The following FLRT1 variants were observed in gnomAD, a reference collection of about 807,000 sequenced individuals.
FLRT1 encodes fibronectin leucine rich transmembrane protein 1, also known as leucine-rich repeat transmembrane protein FLRT1.
FLRT1 carries 14 observed loss-of-function variants against 30.9 expected under a neutral mutation model. That is an observed-to-expected ratio of 0.45 (90% CI 0.30 to 0.71). The LOEUF (loss-of-function observed/expected upper bound fraction) is 0.71. Among genes scored for constraint, FLRT1 ranks in the 30% least tolerant of loss-of-function variants. The pLI is 0.08. For missense variants in FLRT1, 737 were observed against 949.2 expected (o/e 0.78, Z 2.94); for synonymous variants, 368 against 430.4 (o/e 0.85, Z 1.80).
At chr11:64,102,047 T>C (rs1027330692) in intron 1 of FLRT1, among the ~76,000 whole-genome samples, 47 of 152,210 alleles carry the variant, frequency 3.1e-4, no homozygotes, top group African/African-American at 1.1e-3. Context: ...TGTTTTTATT[T>C]GTAACGGCCT....
intron 1 of FLRT1, among the ~76,000 whole-genome samples, chr11:64,065,092 C>T (rs766396177): frequency 6.6e-5 from 10 of 152,200 alleles, no homozygotes; most frequent in South Asian, 2.1e-4. Context: ...CCAGACTCGG[C>T]GGCCTCGGAG....
At chr11:64,039,196 G>A (rs956757422) in intron 1 of FLRT1, among the ~76,000 whole-genome samples, 7 of 152,160 alleles carry the variant, frequency 4.6e-5, no homozygotes, top group Non-Finnish European at 8.8e-5. Flanking sequence ...TATAGGATGG[G>A]GTGCGTGAGG....
At chr11:64,077,553 G>A (rs1424101432) in intron 1 of FLRT1, among the ~76,000 whole-genome samples, 3 of 152,158 alleles carry the variant, frequency 2.0e-5, no homozygotes, top group Non-Finnish European at 4.4e-5. Context: ...GCGGGGCAGG[G>A]GGGGTCCCTC....
At chr11:64,061,991 T>A (rs1171491634) in intron 1 of FLRT1, among the ~76,000 whole-genome samples, 1 of 113,618 alleles carries the variant, frequency 8.8e-6, no homozygotes, top group Admixed American at 1.2e-4. Flanking sequence ...CCCCTTCTAC[T>A]TGCTTCTGTT....
intron 1 of FLRT1, among the ~76,000 whole-genome samples, chr11:64,102,826 T>C (rs1209824323): frequency 1.3e-5 from 2 of 151,918 alleles, no homozygotes; most frequent in East Asian, 1.9e-4. Context: ...TCCCATCACT[T>C]TGGGAGGCCG....
chr11:64,087,846 G>A (rs1293703821), intron 1 of FLRT1, among the ~76,000 whole-genome samples: 3 of 152,244 alleles, frequency 2.0e-5, no homozygotes, highest in Non-Finnish European at 2.9e-5. Flanking sequence ...CTCTCCTGGG[G>A]GCTGTTTCAG....
intron 1 of FLRT1, among the ~76,000 whole-genome samples, chr11:64,048,473 G>T (rs898936697): frequency 9.2e-5 from 14 of 152,170 alleles, no homozygotes; most frequent in Non-Finnish European, 8.8e-5. Flanking sequence ...GGTTGCCAGG[G>T]ACCCAGGAGC....
At chr11:64,054,885 C>T (rs1372553516) in intron 1 of FLRT1, among the ~76,000 whole-genome samples, 2 of 152,048 alleles carry the variant, frequency 1.3e-5, no homozygotes, top group Admixed American at 6.6e-5. Flanking sequence ...GTGACAAATA[C>T]CCCCACTACT....
At chr11:64,114,319 A>T (rs1311169643) in intron 2 of FLRT1, among the ~76,000 whole-genome samples, 1 of 137,896 alleles carries the variant, frequency 7.3e-6, no homozygotes, top group Non-Finnish European at 1.5e-5. Flanking sequence ...TGGATGACGG[A>T]TGGATGGACG....
chr11:64,087,526 C>T (rs1275528345), intron 1 of FLRT1, among the ~76,000 whole-genome samples: 2 of 152,236 alleles, frequency 1.3e-5, no homozygotes, highest in African/African-American at 2.4e-5. Context: ...GAGCTCTGGG[C>T]TTGGAGGCAA....
chr11:64,075,137 GA>G (rs1475973522), intron 1 of FLRT1, among the ~76,000 whole-genome samples: 3 of 152,232 alleles, frequency 2.0e-5, no homozygotes, highest in Non-Finnish European at 2.9e-5. Context: ...CTCACTTGGA[GA>G]AAACGGTTGG....
At chr11:64,078,696 A>T (rs1386780724) in intron 1 of FLRT1, among the ~76,000 whole-genome samples, 2 of 152,126 alleles carry the variant, frequency 1.3e-5, no homozygotes, top group African/African-American at 4.8e-5. Flanking sequence ...GTGCCCCAGC[A>T]GCAAAGGGGG....
At chr11:64,066,699 C>A (rs1283029327) in intron 1 of FLRT1, among the ~76,000 whole-genome samples, 1 of 151,996 alleles carries the variant, frequency 6.6e-6, no homozygotes, top group African/African-American at 2.4e-5. Context: ...TGTCTGCCTG[C>A]AAGGTGGGAA....
intron 1 of FLRT1, among the ~76,000 whole-genome samples, chr11:64,075,008 C>G (rs192102983): frequency 2.2e-3 from 334 of 152,358 alleles, no homozygotes; most frequent in Non-Finnish European, 3.7e-3. Flanking sequence ...AAAGGGAGGT[C>G]CAGGAATTCA....
rs1483229810 is a variant in FLRT1, at chr11:64,064,582, T to C, written c.-1038+28423T>C. 1.3e-5 allele frequency among the ~76,000 whole-genome samples: 2 copies of C among 151,608 alleles called. No individual in the cohort carries two copies. The highest frequency in any genetic ancestry group is 2.9e-5 in the Non-Finnish European group (2 of 67,828). On this transcript the variant is annotated intron_variant, in intron 1 of 2. Transcript: ENST00000682287. This position sits in a 1 kb window ranked among gnomAD's most constrained non-coding sequence, Gnocchi z 4.5. ...GCCTGCTGGCTGACACGGAGCTGGC[T>C]TTCTTCCCTGGCCCTGTTAAAACCC...
rs1944330741 is a variant in FLRT1 at position 64,082,991 on chromosome 11, T to G, written c.-1037-20203T>G. 1 of 152,424 alleles carries G rather than the reference T, an allele frequency of 6.6e-6. No individual in the cohort carries two copies. The highest frequency in any genetic ancestry group is 6.5e-5 in the Admixed American group (1 of 15,276). 9.4% of individuals were successfully genotyped at this position (152,424 alleles called of 1,614,324 possible). On this transcript the variant is annotated intron_variant, in intron 1 of 2. Coordinates refer to ENST00000682287, the MANE Select transcript of FLRT1 (RefSeq NM_013280.5). The surrounding 1 kb of genome is among the most constrained non-coding windows in gnomAD (Gnocchi z 4.5). ...CCATTGGCACCTCCTGTGTGCCAAG[T>G]GCTGGCTTAGTCTCCCCTGGCGTTT... is the stretch of plus-strand genomic sequence containing the variant.
intron 1 of FLRT1, among the ~76,000 whole-genome samples, chr11:64,074,747 G>C (rs1944171578): frequency 6.6e-6 from 1 of 152,208 alleles, no homozygotes; most frequent in African/African-American, 2.4e-5. Flanking sequence ...GCCCAGGGGT[G>C]ACCAGGCTCC....
chr11:64,074,581 C>A (rs1944168224), intron 1 of FLRT1, among the ~76,000 whole-genome samples: 1 of 152,198 alleles, frequency 6.6e-6, no homozygotes, highest in Non-Finnish European at 1.5e-5. Context: ...CATGTCCCCG[C>A]AGGCCCTCCG....
chr11:64,067,172 C>T lies in FLRT1; in HGVS notation c.-1038+31013C>T, dbSNP rs1003155525. 6.6e-6 allele frequency among the ~76,000 whole-genome samples: 1 copy of T among 152,162 alleles called. No homozygotes were observed. Among genetic ancestry groups the T allele is most frequent in the Non-Finnish European group, 1.5e-5 (1 of 68,024 alleles). ...GTGGGGGTGGGAGGCCGGCCATACCCACCTGTAGGCACATGCGGCTCCAAG... is the reference window on the plus strand; with the variant it reads ...GTGGGGGTGGGAGGCCGGCCATACCTACCTGTAGGCACATGCGGCTCCAAG... On this transcript the variant is annotated intron_variant, in intron 1 of 2. Transcript: ENST00000682287. This position sits in a 1 kb window ranked among gnomAD's most constrained non-coding sequence, Gnocchi z 4.6.
Sources: allele counts gnomAD v4.1 joint callset (sites outside exome capture counted in the v4.1 genomes callset), GRCh38; gene constraint gnomAD v4.1.1; non-coding constraint Gnocchi (gnomAD v3.1); transcripts MANE v1.5; gene names NCBI Gene and HGNC (gene_info 2026-07-23, HGNC 2026-07-21).